AKR1E2: variants seen among roughly 807,000 people sequenced by gnomAD.
The protein encoded by AKR1E2 is 1,5-anhydro-D-fructose reductase.
Under a neutral mutation model 41.9 loss-of-function variants are expected in AKR1E2, and 43 were observed. That is an observed-to-expected ratio of 1.03 (90% CI 0.80 to 1.32). The LOEUF is 1.32. Ranked by LOEUF, AKR1E2 falls within the 40% of genes most tolerant of loss-of-function variation. The probability of loss-of-function intolerance (pLI) is 0.00; values close to 1 mark genes in which losing one functional copy is unlikely to be tolerated. For missense variants in AKR1E2, 423 were observed against 396.5 expected, an observed-to-expected ratio of 1.07 and a Z score of -0.57; for synonymous variants, 121 against 138.9, an observed-to-expected ratio of 0.87 and a Z score of 0.91.
At chr10:4,857,802 A>G in the AKR1E2 span, among the ~76,000 whole-genome samples, 1 of 151,400 alleles carries the variant, frequency 6.6e-6, no homozygotes, top group Non-Finnish European at 1.5e-5. Context: ...TTTTTACACT[A>G]CTCTCTCATA....
chr10:4,865,300 C>G, the AKR1E2 span, among the ~76,000 whole-genome samples: 63 of 152,074 alleles, frequency 4.1e-4, no homozygotes, highest in Non-Finnish European at 7.6e-4. Flanking sequence ...ATACTAGTAA[C>G]TAACAATTAT....
chr10:4,867,060 A>G, the AKR1E2 span, among the ~76,000 whole-genome samples: 1 of 152,200 alleles, frequency 6.6e-6, no homozygotes, highest in African/African-American at 2.4e-5. Flanking sequence ...GTCCCCAGGC[A>G]AGAAGGAGGT....
At chr10:4,863,903 T>G in the AKR1E2 span, among the ~76,000 whole-genome samples, 6 of 152,176 alleles carry the variant, frequency 3.9e-5, no homozygotes, top group East Asian at 1.2e-3. Context: ...CTCCCAAGAC[T>G]AAACCAGGAA....
chr10:4,847,489 AC>A lies in AKR1E2; in HGVS notation c.923del (p.Thr308IlefsTer11). 1 of 1,611,998 alleles carries A rather than the reference AC, an allele frequency of 6.2e-7. No individual in the cohort carries two copies. Among genetic ancestry groups the A allele is most frequent in the African/African-American group, 1.3e-5 (1 of 74,964 alleles). ...RNLRLAMFPI[T>X]KNHKDYPFHI... ...TTGATTTGTTTTTCTGTTTTTCAGA[AC>A]TAAAAATCACAAAGACTATCCTTTC... On this transcript the variant is annotated frameshift_variant and splice_region_variant, in exon 10 of 10. Coordinates refer to ENST00000298375, the MANE Select transcript of AKR1E2 (RefSeq NM_001040177.3). LOFTEE classifies it high-confidence loss of function.
rs768242917 is a variant in AKR1E2 at position 4,830,816 on chromosome 10, C to T, written c.181C>T (p.Arg61Trp). 27 of 1,613,930 alleles carry T rather than the reference C, an allele frequency of 1.7e-5. No individual in the cohort carries two copies. The highest frequency in any genetic ancestry group is 7.7e-5 in the South Asian group (7 of 91,072). ...RCKIKEGAVR[R>W]EDLFIATKLW... ...CAAGATCAAGGAAGGCGCTGTAAGA[C>T]GGGAGGATCTGTTCATTGCCACTAA... Residue 61 changes from arginine (R) to tryptophan (W), a missense_variant, in exon 2 of 10, where the codon CGG becomes TGG. Arg to Trp is a moderately radical substitution (Grantham distance 101). Transcript: ENST00000298375.
At chr10:4,842,019 C>A (rs4518987) in intron 7 of AKR1E2, among the ~76,000 whole-genome samples, 162 bp downstream of exon 7, 1 of 152,120 alleles carries the variant, frequency 6.6e-6, no homozygotes, top group African/African-American at 2.4e-5. Flanking sequence ...GGTCTGCAGC[C>A]GCATTTCTAG....
the AKR1E2 span, among the ~76,000 whole-genome samples, chr10:4,862,496 C>A: frequency 6.6e-6 from 1 of 152,150 alleles, no homozygotes; most frequent in Non-Finnish European, 1.5e-5. Context: ...ATGAGGATGA[C>A]ATTGAATCTA....
At chr10:4,872,145 T>C in the AKR1E2 span, among the ~76,000 whole-genome samples, 1 of 152,210 alleles carries the variant, frequency 6.6e-6, no homozygotes, top group African/African-American at 2.4e-5. Flanking sequence ...TGGGCACACA[T>C]TCACAAATAT....
At chr10:4,865,223 T>A in the AKR1E2 span, among the ~76,000 whole-genome samples, 1 of 152,022 alleles carries the variant, frequency 6.6e-6, no homozygotes, top group Non-Finnish European at 1.5e-5. Context: ...AAAACAAAAA[T>A]AATACGTAAA....
At chr10:4,853,618 T>A in the AKR1E2 span, among the ~76,000 whole-genome samples, 943 of 152,282 alleles carry the variant, frequency 6.2e-3, 4 homozygotes, top group Non-Finnish European at 9.9e-3. Context: ...CCAATCCGTA[T>A]AAGTGAGATA....
chr10:4,853,879 A>T, the AKR1E2 span, among the ~76,000 whole-genome samples: 3 of 152,302 alleles, frequency 2.0e-5, no homozygotes, highest in East Asian at 5.8e-4. Context: ...GATGGCGATG[A>T]GAGTGACCTC....
intron 8 of AKR1E2, among the ~76,000 whole-genome samples, chr10:4,844,409 CG>C (rs2131562634): frequency 1.3e-5 from 2 of 152,264 alleles, no homozygotes; most frequent in African/African-American, 4.8e-5. Context: ...TTGCAAAGAC[CG>C]AAACAACAAA....
chr10:4,834,918 A>G (rs1231769630), intron 3 of AKR1E2, among the ~76,000 whole-genome samples: 1 of 152,166 alleles, frequency 6.6e-6, no homozygotes, highest in Non-Finnish European at 1.5e-5. Flanking sequence ...CCGGGCTGCA[A>G]TTTTGTGGAG....
intron 6 of AKR1E2, 98 bp downstream of exon 6, chr10:4,839,924 G>T: frequency 8.8e-7 from 1 of 1,132,138 alleles, no homozygotes. Flanking sequence ...CTTAATGGAG[G>T]TTTTGACAGG....
intron 3 of AKR1E2, among the ~76,000 whole-genome samples, chr10:4,835,460 G>A (rs1833323876): frequency 6.6e-6 from 1 of 152,188 alleles, no homozygotes; most frequent in Non-Finnish European, 1.5e-5. Flanking sequence ...TGTGAGAGAT[G>A]AACAGTGAAC....
Position 4,842,445 on chromosome 10 carries a change from A to G in AKR1E2, c.778A>G (p.Arg260Gly), listed in dbSNP as rs779483522. The G allele has an allele frequency of 1.2e-6, 2 of 1,614,194 alleles. No homozygotes were observed. The highest frequency in any genetic ancestry group is 1.7e-6 in the Non-Finnish European group (2 of 1,180,000). Residue 260 changes from arginine (R) to glycine (G), a missense_variant, in exon 8 of 10, where the codon AGG becomes GGG. Coordinates refer to ENST00000298375, the MANE Select transcript of AKR1E2 (RefSeq NM_001040177.3). ...AQILIRFQIQRNVIVIPGSIT... is the reference protein window; with the variant it reads ...AQILIRFQIQGNVIVIPGSIT... ...GATTTTGATCCGATTTCAAATCCAG[A>G]GGAATGTGATAGTGATCCCCGGATC... is the stretch of plus-strand genomic sequence containing the variant.
upstream of AKR1E2, among the ~76,000 whole-genome samples, chr10:4,825,557 C>T (rs558406841): frequency 1.1e-4 from 16 of 152,312 alleles, no homozygotes; most frequent in South Asian, 1.2e-3. Flanking sequence ...CACCCAGGAC[C>T]CCCGCTGTCC....
At chr10:4,862,786 A>G in the AKR1E2 span, among the ~76,000 whole-genome samples, 1 of 152,222 alleles carries the variant, frequency 6.6e-6, no homozygotes, top group African/African-American at 2.4e-5. Context: ...AAGCAAATGG[A>G]AAACAAAAAA....
chr10:4,858,353 CTTCA>C, the AKR1E2 span, among the ~76,000 whole-genome samples: 10 of 152,046 alleles, frequency 6.6e-5, no homozygotes, highest in East Asian at 1.9e-4. Flanking sequence ...TCATTTATTT[CTTCA>C]TTCATTCATT....
Sources: gnomAD v4.1 joint callset for allele counts (sites outside exome capture counted in the v4.1 genomes callset) on GRCh38, gnomAD v4.1.1 for gene constraint, MANE v1.5 for transcripts, NCBI Gene and HGNC (gene_info 2026-07-23, HGNC 2026-07-21) for gene names.